Variants in ARFIP1 observed in about 807,000 individuals in gnomAD.
ARFIP1 encodes arfaptin-1.
ARFIP1 carries 24 observed loss-of-function variants against 42.5 expected under a neutral mutation model. The ratio of observed to expected loss-of-function variants is 0.57; its 90% CI spans 0.41 to 0.80. The LOEUF (loss-of-function observed/expected upper bound fraction) is 0.80, where lower values mean the gene tolerates loss of function less well. ARFIP1 is among the 30% of genes least tolerant of loss of function. The pLI, the probability that ARFIP1 is intolerant of heterozygous loss-of-function variation, is 0.00. For synonymous variants in ARFIP1, 141 were observed against 153.7 expected (o/e 0.92, Z 0.61); for missense variants, 354 against 434.0 (o/e 0.82, Z 1.64).
chr4:152,811,641 T>C (rs918228384), intron 1 of ARFIP1, among the ~76,000 whole-genome samples: 4 of 152,216 alleles, frequency 2.6e-5, no homozygotes, highest in Non-Finnish European at 4.4e-5. Context: ...TTGGAACCTA[T>C]TGTGAAGGAC....
In ARFIP1 at chr4:152,910,262, C is replaced by G; in HGVS notation, c.*43C>G. On this transcript the variant is annotated 3_prime_UTR_variant, in exon 9 of 9. Transcript: ENST00000353617. The stretch of plus-strand genomic sequence containing the variant: ...AAAAGAAAGTCGCGTTGTTATATTT[C>G]TAAACCAACCTAACAAGAATTAAGC... 1 of 1,588,224 alleles carries G rather than the reference C, an allele frequency of 6.3e-7. No homozygotes were observed. The highest frequency in any genetic ancestry group is 1.3e-5 in the African/African-American group (1 of 74,080).
At chr4:152,906,101 A>G (rs1207761216) in intron 8 of ARFIP1, among the ~76,000 whole-genome samples, 1 of 152,130 alleles carries the variant, frequency 6.6e-6, no homozygotes, top group African/African-American at 2.4e-5. Flanking sequence ...TAGCCCTGAC[A>G]CTTGGGCCCA....
intron 8 of ARFIP1, among the ~76,000 whole-genome samples, chr4:152,902,756 G>A (rs1470874630): frequency 1.2e-4 from 18 of 152,090 alleles, no homozygotes; most frequent in African/African-American, 4.3e-4. Context: ...TTGGCTTTTT[G>A]TCCTTTCTCC....
intron 1 of ARFIP1, among the ~76,000 whole-genome samples, chr4:152,822,470 G>A (rs997585491): frequency 3.3e-5 from 5 of 152,238 alleles, no homozygotes; most frequent in Admixed American, 2.6e-4. Flanking sequence ...AATAGTTTGG[G>A]ACTTCAGTAC....
intron 1 of ARFIP1, among the ~76,000 whole-genome samples, chr4:152,822,296 T>TAAAAAAAAAAAAAAAAAAAAAAAGA (rs1730447161): frequency 3.1e-5 from 2 of 65,566 alleles, no homozygotes; most frequent in South Asian, 5.1e-4. Flanking sequence ...GCAACAGCAG[T>TAAAAAAAAAAAAAAAAAAAAAAAGA]AAAAAAAAAA....
chr4:152,898,095 G>A (rs1737505053), intron 8 of ARFIP1, among the ~76,000 whole-genome samples: 2 of 147,928 alleles, frequency 1.4e-5, no homozygotes, highest in African/African-American at 2.5e-5. Flanking sequence ...GCAATTCTCT[G>A]CCTCAGCCTC....
intron 7 of ARFIP1, among the ~76,000 whole-genome samples, chr4:152,885,319 T>C (rs1460355185): frequency 2.0e-5 from 3 of 152,054 alleles, no homozygotes; most frequent in Non-Finnish European, 2.9e-5. Context: ...CTATTATGCA[T>C]TGTGTACAAG....
chr4:152,815,566 C>T (rs1367429291), intron 1 of ARFIP1, among the ~76,000 whole-genome samples: 1 of 152,102 alleles, frequency 6.6e-6, no homozygotes, highest in Non-Finnish European at 1.5e-5. Flanking sequence ...TGATATTTCC[C>T]TTACATTGTG....
intron 5 of ARFIP1, among the ~76,000 whole-genome samples, chr4:152,873,817 A>G (rs1735096944): frequency 6.6e-6 from 1 of 152,170 alleles, no homozygotes; most frequent in Admixed American, 6.5e-5. Context: ...AAAATCCTTC[A>G]GTCAATCCCC....
At chr4:152,849,690 G>C (rs993532444) in intron 2 of ARFIP1, among the ~76,000 whole-genome samples, 3 of 152,040 alleles carry the variant, frequency 2.0e-5, no homozygotes, top group African/African-American at 7.2e-5. Context: ...TGTGTGTATG[G>C]TGGTAAATGG....
chr4:152,811,598 T>C (rs781405566), intron 1 of ARFIP1, among the ~76,000 whole-genome samples: 8 of 151,942 alleles, frequency 5.3e-5, no homozygotes, highest in Non-Finnish European at 1.2e-4. Context: ...TCTAGAAGAG[T>C]AAAGTTAAAA....
intron 2 of ARFIP1, among the ~76,000 whole-genome samples, chr4:152,843,119 T>C (rs1007580019): frequency 2.0e-5 from 3 of 152,178 alleles, no homozygotes; most frequent in Admixed American, 1.3e-4. Flanking sequence ...GTTCGCTTGA[T>C]GTAGTAGTCT....
At chr4:152,823,486 T>C (rs182427035) in intron 1 of ARFIP1, among the ~76,000 whole-genome samples, 8 of 152,206 alleles carry the variant, frequency 5.3e-5, no homozygotes. Flanking sequence ...TTCAAAGAAA[T>C]GATACCAGTT....
In ARFIP1 at chr4:152,910,852, C is replaced by A. The variant is rs1454325277; in HGVS notation, c.*633C>A. On this transcript the variant is annotated 3_prime_UTR_variant, in exon 9 of 9. Transcript: ENST00000353617. Reference sequence around the variant, plus strand: ...AGACACAGAAATCACACTGTCATTTCTGTGAGGCTTTTAAGCTTATGAATT... The same window carrying A: ...AGACACAGAAATCACACTGTCATTTATGTGAGGCTTTTAAGCTTATGAATT... 2.6e-5 allele frequency: 4 copies of A among 152,208 alleles called. No individual in the cohort carries two copies. Among genetic ancestry groups the A allele is most frequent in the Non-Finnish European group, 5.9e-5 (4 of 67,994 alleles). The allele number at this position is 152,208 out of a possible 1,614,324, so 9.4% of individuals were successfully genotyped here.
intron 3 of ARFIP1, among the ~76,000 whole-genome samples, chr4:152,867,024 G>T (rs1346262688): frequency 6.6e-6 from 1 of 150,952 alleles, no homozygotes; most frequent in Admixed American, 6.6e-5. Flanking sequence ...GGGCAGCCAG[G>T]CAGAGGGGCT....
chr4:152,873,218 GC>G (rs1735037423), intron 5 of ARFIP1, among the ~76,000 whole-genome samples: 1 of 152,182 alleles, frequency 6.6e-6, no homozygotes, highest in Admixed American at 6.5e-5. Flanking sequence ...TAGGATGAAA[GC>G]CCTAGCAGCT....
chr4:152,790,728 C>CTTT (rs781615063), intron 1 of ARFIP1, among the ~76,000 whole-genome samples: 311 of 105,988 alleles, frequency 2.9e-3, no homozygotes, highest in African/African-American at 5.3e-3. Context: ...ATGTGTTTAT[C>CTTT]TTTTTTTTTT....
At chr4:152,887,146 G>A (rs1165410444) in intron 7 of ARFIP1, among the ~76,000 whole-genome samples, 2 of 151,924 alleles carry the variant, frequency 1.3e-5, no homozygotes, top group African/African-American at 2.4e-5. Context: ...GCTGAGTACC[G>A]AATAGTTGAA....
At chr4:152,905,898 T>C (rs557468718) in intron 8 of ARFIP1, among the ~76,000 whole-genome samples, 1 of 152,268 alleles carries the variant, frequency 6.6e-6, no homozygotes, top group African/African-American at 2.4e-5. Flanking sequence ...GATACCTGTT[T>C]TGCAAGTATT....
Sources: allele counts gnomAD v4.1 joint callset (sites outside exome capture counted in the v4.1 genomes callset), GRCh38; gene constraint gnomAD v4.1.1; transcripts MANE v1.5; gene names NCBI Gene and HGNC (gene_info 2026-07-23, HGNC 2026-07-21).